Variants in TJP1 observed in about 807,000 individuals in gnomAD.
The protein encoded by TJP1 is tight junction protein 1.
A neutral mutation model predicts 194.2 loss-of-function variants in TJP1; 43 were observed. That is an observed-to-expected ratio of 0.22 (90% CI 0.17 to 0.29). The LOEUF is 0.29. Among genes scored for constraint, TJP1 ranks in the 10% least tolerant of loss-of-function variants. The probability of loss-of-function intolerance (pLI) is 1.00; values close to 1 mark genes in which losing one functional copy is unlikely to be tolerated. For synonymous variants in TJP1, 801 were observed against 779.0 expected (o/e 1.03, Z -0.47); for missense variants, 1,971 against 2,185.7 (o/e 0.90, Z 1.96).
chr15:29,850,570 C>T (rs1393680174), intron 2 of TJP1, among the ~76,000 whole-genome samples: 3 of 151,860 alleles, frequency 2.0e-5, no homozygotes, highest in African/African-American at 4.8e-5. Flanking sequence ...CTCCTGACCT[C>T]GTGATCCGCC....
Position 29,761,722 on chromosome 15 carries a change from T to C in TJP1, c.741A>G (p.Thr247=). 6.3e-7 allele frequency: 1 copy of C among 1,598,886 alleles called. No individual in the cohort carries two copies. The highest frequency in any genetic ancestry group is 8.6e-7 in the Non-Finnish European group (1 of 1,167,936). The change falls in exon 7 of 28, where the codon ACA becomes ACG. Residue 247 remains threonine (T), a synonymous_variant. Coordinates refer to ENST00000614355, the MANE Select transcript of TJP1 (RefSeq NM_001330239.4). ...TENMSLTDAK[T]LIERSKGKLK... ...ATTTGCCTTTAGACCTTTCTATCAATGTCTTTGCATCTGTCAATGACATAT... is the reference window on the plus strand; with the variant it reads ...ATTTGCCTTTAGACCTTTCTATCAACGTCTTTGCATCTGTCAATGACATAT...
At chr15:29,900,695 A>G (rs1388874117) in intron 2 of TJP1, among the ~76,000 whole-genome samples, 1 of 152,220 alleles carries the variant, frequency 6.6e-6, no homozygotes, top group Non-Finnish European at 1.5e-5. Context: ...ATCAATATAC[A>G]TGAAGGCACA....
At chr15:29,891,068 C>T (rs944683888) in intron 2 of TJP1, among the ~76,000 whole-genome samples, 1 of 152,130 alleles carries the variant, frequency 6.6e-6, no homozygotes, top group African/African-American at 2.4e-5. Flanking sequence ...TTTTTGTGGC[C>T]CTATGAACAA....
chr15:29,731,818 A>G (rs375187310), intron 15 of TJP1, among the ~76,000 whole-genome samples: 2 of 152,172 alleles, frequency 1.3e-5, no homozygotes, highest in East Asian at 3.9e-4. Context: ...AAAAAAAAAG[A>G]AAGTAAATAA....
At chr15:29,724,221 T>C (rs946185644) in intron 18 of TJP1, among the ~76,000 whole-genome samples, 1 of 152,048 alleles carries the variant, frequency 6.6e-6, no homozygotes. Flanking sequence ...GTGTGTCAGG[T>C]CTCCCCATGC....
chr15:29,730,420 AAATAATAAT>A (rs373108847), intron 15 of TJP1, among the ~76,000 whole-genome samples: 123 of 150,688 alleles, frequency 8.2e-4, no homozygotes, highest in African/African-American at 2.8e-3. Flanking sequence ...GTTTCTACAA[AAATAATAAT>A]AATAATAATA....
chr15:29,767,718 C>T (rs2046411151), intron 4 of TJP1, among the ~76,000 whole-genome samples: 1 of 152,154 alleles, frequency 6.6e-6, no homozygotes. Context: ...ACTCAGCCTG[C>T]TTTAAGATCA....
rs1595718677 is a variant in TJP1, at chr15:29,742,554, T to C, written c.1150+88A>G. The C allele has an allele frequency of 2.7e-5, 37 of 1,368,678 alleles. No individual in the cohort carries two copies. The East Asian group carries it at 4.4e-4, about 16-fold the overall frequency. 84.8% of individuals were successfully genotyped at this position (1,368,678 alleles called of 1,614,324 possible). A position where few individuals can be genotyped will look rare whatever the true frequency, so the allele number is the denominator to read the frequency against. On this transcript the variant is annotated intron_variant, in intron 9 of 27. Transcript: ENST00000614355. ...AATTCACACATGAGAAGAATAATAA[T>C]TGCATCTTTAAAATCTTCTGTAAAT...
chr15:29,737,657 A>G (rs1428038963), intron 10 of TJP1, among the ~76,000 whole-genome samples: 1 of 152,198 alleles, frequency 6.6e-6, no homozygotes, highest in African/African-American at 2.4e-5. Context: ...TTACATAACT[A>G]ATTTATAAAA....
At chr15:29,925,793 G>C (rs1218038138) in intron 2 of TJP1, among the ~76,000 whole-genome samples, 1 of 152,160 alleles carries the variant, frequency 6.6e-6, no homozygotes, top group Non-Finnish European at 1.5e-5. Flanking sequence ...AACACTGAAA[G>C]GGTAAAGTTC....
At chr15:29,936,717 T>C (rs1174148448) in intron 2 of TJP1, among the ~76,000 whole-genome samples, 1 of 152,134 alleles carries the variant, frequency 6.6e-6, no homozygotes, top group Non-Finnish European at 1.5e-5. Context: ...ATCCCGCAAA[T>C]TATTAGGGGT....
At chr15:29,731,326 G>GTCCTCTTCTCCCTTTCC (rs2151244364) in intron 15 of TJP1, among the ~76,000 whole-genome samples, 1 of 152,204 alleles carries the variant, frequency 6.6e-6, no homozygotes, top group African/African-American at 2.4e-5. Context: ...TTGTTTTTAT[G>GTCCTCTTCTCCCTTTCC]TCCTCTTCTC....
intron 2 of TJP1, among the ~76,000 whole-genome samples, chr15:29,953,483 T>C (rs1419069194): frequency 1.3e-5 from 2 of 151,962 alleles, no homozygotes; most frequent in Non-Finnish European, 2.9e-5. Context: ...AAAATGTTTT[T>C]AGCCCCATGC....
chr15:29,778,460 T>A (rs2047155206), intron 2 of TJP1, among the ~76,000 whole-genome samples: 1 of 152,032 alleles, frequency 6.6e-6, no homozygotes, highest in African/African-American at 2.4e-5. Context: ...TTCCCCACTT[T>A]CCCTTCCCTC....
At chr15:29,949,450 C>CCACA (rs2055475287) in intron 2 of TJP1, among the ~76,000 whole-genome samples, 2 of 129,058 alleles carry the variant, frequency 1.5e-5, no homozygotes, top group Non-Finnish European at 1.7e-5. Flanking sequence ...CCTCCACCTT[C>CCACA]ACCACCACTT....
At chr15:29,934,174 C>T (rs191387104) in intron 2 of TJP1, among the ~76,000 whole-genome samples, 5 of 152,228 alleles carry the variant, frequency 3.3e-5, no homozygotes, top group Admixed American at 2.0e-4. Flanking sequence ...TGAGAAACTC[C>T]GGTTTCCTTA....
intron 2 of TJP1, among the ~76,000 whole-genome samples, chr15:29,829,054 A>G (rs1206782129): frequency 6.6e-6 from 1 of 152,112 alleles, no homozygotes; most frequent in East Asian, 1.9e-4. Context: ...GCCGGGCCCC[A>G]ATTCTAAGTC....
At chr15:29,788,187 C>A (rs923862797) in intron 2 of TJP1, among the ~76,000 whole-genome samples, 3 of 151,966 alleles carry the variant, frequency 2.0e-5, no homozygotes, top group Non-Finnish European at 4.4e-5. Flanking sequence ...TATAAAAGTT[C>A]TTTATATATT....
intron 2 of TJP1, among the ~76,000 whole-genome samples, chr15:29,943,270 A>G (rs1323238698): frequency 6.6e-6 from 1 of 152,216 alleles, no homozygotes; most frequent in South Asian, 2.1e-4. Context: ...TTCTTTCCCT[A>G]AGTGTGCAAT....
Sources: gnomAD v4.1 joint callset for allele counts (sites outside exome capture counted in the v4.1 genomes callset) on GRCh38, gnomAD v4.1.1 for gene constraint, MANE v1.5 for transcripts, NCBI Gene and HGNC (gene_info 2026-07-23, HGNC 2026-07-21) for gene names.